Variants in P2RY14 observed in about 807,000 individuals in gnomAD.
The protein encoded by P2RY14 is purinergic receptor P2Y14.
P2RY14 carries 2 observed loss-of-function variants against 0.9 expected under a neutral mutation model. The observed-to-expected ratio is 2.16, with a 90% CI of 0.88 to 6.79. The LOEUF (loss-of-function observed/expected upper bound fraction) is 6.79. Among genes scored for constraint, P2RY14 ranks in the 30% most tolerant of loss-of-function variants. The pLI is 0.05. For synonymous variants in P2RY14, 158 were observed against 147.2 expected (o/e 1.07, Z -0.53); for missense variants, 378 against 400.1 (o/e 0.94, Z 0.47).
At chr3:151,232,130 G>C (rs1157120948) in intron 1 of P2RY14, among the ~76,000 whole-genome samples, 1 of 152,006 alleles carries the variant, frequency 6.6e-6, no homozygotes, top group African/African-American at 2.4e-5. Flanking sequence ...CTTTCCTGTG[G>C]GGTCTCCTCT....
At chr3:151,236,100 C>G (rs1449838295) in intron 1 of P2RY14, among the ~76,000 whole-genome samples, 1 of 152,106 alleles carries the variant, frequency 6.6e-6, no homozygotes, top group African/African-American at 2.4e-5. Context: ...CTTTGCCAGA[C>G]CAGAATTTAT....
intron 1 of P2RY14, among the ~76,000 whole-genome samples, chr3:151,248,458 T>C (rs1736187777): frequency 6.6e-6 from 1 of 152,186 alleles, no homozygotes; most frequent in Non-Finnish European, 1.5e-5. Context: ...CTTTCTTCAG[T>C]ATATTCGTTC....
At chr3:151,217,188 T>C (rs1728405164) in intron 2 of P2RY14, among the ~76,000 whole-genome samples, 1 of 152,228 alleles carries the variant, frequency 6.6e-6, no homozygotes, top group South Asian at 2.1e-4. Flanking sequence ...TTTAGAAATA[T>C]TGTAGAAGCC....
intron 1 of P2RY14, among the ~76,000 whole-genome samples, chr3:151,256,591 A>G (rs1346523923): frequency 6.9e-6 from 1 of 144,956 alleles, no homozygotes; most frequent in East Asian, 2.2e-4. Context: ...GTCCTAAAGT[A>G]CCTCTCCATT....
At chr3:151,247,075 A>G (rs867392943) in intron 1 of P2RY14, among the ~76,000 whole-genome samples, 2 of 152,240 alleles carry the variant, frequency 1.3e-5, no homozygotes, top group Middle Eastern at 3.2e-3. Flanking sequence ...ACCATCTCAC[A>G]CCAGTTAGAT....
Position 151,214,136 on chromosome 3 carries a change from T to A in P2RY14, c.181A>T (p.Lys61Ter). The change falls in exon 3 of 3, where the codon AAG becomes TAG. Residue 61 changes from lysine to a stop codon, truncating the protein, a stop_gained. Transcript: ENST00000309170. LOFTEE classifies it low-confidence loss of function (END_TRUNC). ...PSSKSFIIYL[K>*]NIVIADFVMS... is the part of the protein sequence containing the mutation. ...ACAAAGTCAGCAATAACAATGTTCT[T>A]GAGATAGATGATGAAACTCTTAGAG... The A allele has an allele frequency of 1.9e-6, 3 of 1,611,830 alleles. No individual in the cohort carries two copies. In the Admixed American group the frequency reaches 5.0e-5, roughly 27 times the overall value.
At chr3:151,234,506 G>A (rs1157604583) in intron 1 of P2RY14, among the ~76,000 whole-genome samples, 1 of 152,222 alleles carries the variant, frequency 6.6e-6, no homozygotes, top group Non-Finnish European at 1.5e-5. Flanking sequence ...ACTGTGTTGG[G>A]AGAGAGCTTT....
chr3:151,218,170 G>A (rs746699900), intron 2 of P2RY14, among the ~76,000 whole-genome samples: 3 of 152,136 alleles, frequency 2.0e-5, no homozygotes, highest in South Asian at 4.1e-4. Flanking sequence ...ATACAAAAAT[G>A]TAAAAATAAA....
chr3:151,239,897 A>G (rs969422627), intron 1 of P2RY14, among the ~76,000 whole-genome samples: 6 of 152,256 alleles, frequency 3.9e-5, no homozygotes, highest in Non-Finnish European at 7.3e-5. Context: ...TTAAAAATAT[A>G]TGAAACTTCC....
At chr3:151,251,134 C>G (rs1198121622) in intron 1 of P2RY14, among the ~76,000 whole-genome samples, 1 of 152,186 alleles carries the variant, frequency 6.6e-6, no homozygotes, top group Non-Finnish European at 1.5e-5. Flanking sequence ...GAGCCCCATG[C>G]TTTTGCCTTT....
intron 1 of P2RY14, among the ~76,000 whole-genome samples, chr3:151,237,412 C>T (rs551587287): frequency 5.3e-5 from 7 of 130,904 alleles, no homozygotes; most frequent in African/African-American, 1.4e-4. Flanking sequence ...TGTGGTGGCA[C>T]GATCTTGGCT....
chr3:151,214,056 C>T lies in P2RY14; in HGVS notation c.261G>A (p.Trp87Ter), dbSNP rs1727690961. ...CCCTGCACACAAACACGTTCAGCTG[C>T]CAGGGACCAAGGCCTGAGTCACCAA... is the stretch of plus-strand genomic sequence containing the variant. ...KILGDSGLGP[W>*]QLNVFVCRVS... Residue 87 changes from tryptophan to a stop codon, truncating the protein, a stop_gained, in exon 3 of 3, where the codon TGG becomes TGA. Coordinates refer to ENST00000309170, the MANE Select transcript of P2RY14 (RefSeq NM_014879.4). LOFTEE classifies it low-confidence loss of function (END_TRUNC). 1 of 1,614,016 alleles carries T rather than the reference C, an allele frequency of 6.2e-7. No homozygotes were observed. Among genetic ancestry groups the T allele is most frequent in the African/African-American group, 1.3e-5 (1 of 74,918 alleles).
chr3:151,236,342 G>T (rs1732795754), intron 1 of P2RY14, among the ~76,000 whole-genome samples: 1 of 152,128 alleles, frequency 6.6e-6, no homozygotes. Context: ...AACATATATA[G>T]ATATCCTTTT....
intron 2 of P2RY14, among the ~76,000 whole-genome samples, chr3:151,218,835 C>G (rs964312775): frequency 7.3e-6 from 1 of 137,392 alleles, no homozygotes; most frequent in African/African-American, 2.7e-5. Flanking sequence ...CCATTGCACT[C>G]CAGCCTGGGT....
chr3:151,231,604 C>T (rs1731691067), intron 1 of P2RY14, among the ~76,000 whole-genome samples: 3 of 151,978 alleles, frequency 2.0e-5, no homozygotes, highest in Admixed American at 6.6e-5. Context: ...ATCAATGCCA[C>T]GAGAAACAAA....
At chr3:151,217,853 T>C (rs1228688400) in intron 2 of P2RY14, among the ~76,000 whole-genome samples, 1 of 152,194 alleles carries the variant, frequency 6.6e-6, no homozygotes, top group African/African-American at 2.4e-5. Flanking sequence ...TCTTAGAGCA[T>C]GGCAGCCTTT....
chr3:151,270,411 A>G (rs1740719838), intron 1 of P2RY14, among the ~76,000 whole-genome samples: 2 of 152,084 alleles, frequency 1.3e-5, no homozygotes, highest in African/African-American at 4.8e-5. Flanking sequence ...CAAAAACTGT[A>G]TGGATTTAAT....
intron 1 of P2RY14, chr3:151,269,962 T>C: frequency 2.6e-6 from 1 of 384,466 alleles, no homozygotes; most frequent in Non-Finnish European, 5.0e-6. Flanking sequence ...CTTGGACAAA[T>C]CCATTACAGT....
chr3:151,226,453 A>G (rs1730509346), intron 1 of P2RY14, among the ~76,000 whole-genome samples: 1 of 152,242 alleles, frequency 6.6e-6, no homozygotes, highest in African/African-American at 2.4e-5. Context: ...GGCACCTAAC[A>G]CATAGCCAGA....
Sources: gnomAD v4.1 joint callset for allele counts (sites outside exome capture counted in the v4.1 genomes callset) on GRCh38, gnomAD v4.1.1 for gene constraint, MANE v1.5 for transcripts, NCBI Gene and HGNC (gene_info 2026-07-23, HGNC 2026-07-21) for gene names.